The following RMDN2 variants were observed in gnomAD, a reference collection of about 807,000 sequenced individuals.
RMDN2 encodes the protein regulator of microtubule dynamics protein 2.
RMDN2 carries 61 observed loss-of-function variants against 52.8 expected under a neutral mutation model. The ratio of observed to expected loss-of-function variants is 1.16; its 90% CI spans 0.94 to 1.43. The LOEUF (loss-of-function observed/expected upper bound fraction) is 1.43, where lower values mean the gene tolerates loss of function less well. RMDN2 is among the 40% of genes most tolerant of loss of function. RMDN2 has a pLI of 0.00. For synonymous variants in RMDN2, 180 were observed against 153.1 expected (o/e 1.18, Z -1.30); for missense variants, 592 against 475.3 (o/e 1.25, Z -2.28).
At chr2:38,007,866 C>G (rs1677344999) in intron 10 of RMDN2, among the ~76,000 whole-genome samples, 1 of 152,158 alleles carries the variant, frequency 6.6e-6, no homozygotes, top group Non-Finnish European at 1.5e-5. Flanking sequence ...TCCCTCTACA[C>G]ACTGCTTCGA....
At chr2:38,063,797 A>T (rs971454662) in intron 10 of RMDN2, among the ~76,000 whole-genome samples, 2 of 152,260 alleles carry the variant, frequency 1.3e-5, no homozygotes, top group African/African-American at 2.4e-5. Flanking sequence ...CAAGCAATGT[A>T]TGAAAGTTCC....
At chr2:38,033,299 A>C (rs1680344842) in intron 10 of RMDN2, 1 of 152,198 alleles carries the variant, frequency 6.6e-6, no homozygotes, top group South Asian at 2.1e-4. Flanking sequence ...ACTAGCTAAA[A>C]GTAGCTGTCC....
intron 10 of RMDN2, among the ~76,000 whole-genome samples, chr2:38,011,471 A>G (rs1677985981): frequency 6.6e-6 from 1 of 152,182 alleles, no homozygotes; most frequent in African/African-American, 2.4e-5. Flanking sequence ...CAGAAAATAA[A>G]TGCCTCAGTA....
chr2:38,030,904 C>T (rs1464216959), intron 10 of RMDN2: 5 of 151,828 alleles, frequency 3.3e-5, no homozygotes, highest in African/African-American at 1.2e-4. Flanking sequence ...TTAGGGAATT[C>T]TTGATTGTTT....
intron 2 of RMDN2, among the ~76,000 whole-genome samples, chr2:37,967,386 A>G (rs185741556): frequency 2.0e-5 from 3 of 152,370 alleles, no homozygotes; most frequent in East Asian, 1.9e-4. Context: ...TTAAGGAATC[A>G]TAACAGGAGA....
At position 37,941,517 on chromosome 2, in the gene RMDN2, C is replaced by G. The variant is rs955317434; in HGVS notation, c.452+11788C>G. Among the ~76,000 whole-genome samples, 6 of 152,240 alleles carry G rather than the reference C, an allele frequency of 3.9e-5. 1 individual carries two copies. Among genetic ancestry groups the G allele is most frequent in the African/African-American group, 1.4e-4 (6 of 41,462 alleles). ...ACAGCCGCGCCTTCCCCCAGTTGCT[C>G]TGTCCCAGGGAAACTGGAGTTTTAT... is the stretch of plus-strand genomic sequence containing the variant. On this transcript the variant is annotated intron_variant, in intron 2 of 10. Transcript: ENST00000354545.
downstream of RMDN2, among the ~76,000 whole-genome samples, chr2:38,018,378 G>A (rs1008370427): frequency 4.6e-5 from 7 of 152,202 alleles, no homozygotes; most frequent in East Asian, 5.8e-4. Flanking sequence ...AAAATTTATC[G>A]AGAGCCTTTG....
chr2:38,012,722 C>T (rs971472237), intron 10 of RMDN2: 4 of 371,748 alleles, frequency 1.1e-5, no homozygotes, highest in African/African-American at 4.3e-5. Flanking sequence ...AATACCCCTC[C>T]ATCTCTATAA....
At chr2:38,009,508 C>G (rs918939766) in intron 10 of RMDN2, among the ~76,000 whole-genome samples, 1 of 152,216 alleles carries the variant, frequency 6.6e-6, no homozygotes. Context: ...AAATTGGCTA[C>G]TGAGGCTTGT....
At chr2:37,939,902 G>A (rs1667633769) in intron 2 of RMDN2, among the ~76,000 whole-genome samples, 1 of 152,168 alleles carries the variant, frequency 6.6e-6, no homozygotes, top group Non-Finnish European at 1.5e-5. Context: ...ATATTGTTAT[G>A]TGTGAATTTG....
chr2:37,931,877 A>G (rs559294081), intron 2 of RMDN2, among the ~76,000 whole-genome samples: 1 of 152,280 alleles, frequency 6.6e-6, no homozygotes, highest in Non-Finnish European at 1.5e-5. Flanking sequence ...TTTGTTAGCA[A>G]TAAAATACTA....
intron 2 of RMDN2, among the ~76,000 whole-genome samples, chr2:37,963,421 A>G (rs925856377): frequency 4.0e-5 from 6 of 151,542 alleles, no homozygotes; most frequent in African/African-American, 1.5e-4. Context: ...CAGATAAACA[A>G]GTGAACAAAG....
chr2:37,947,276 A>C (rs1668299324), intron 2 of RMDN2, among the ~76,000 whole-genome samples: 1 of 152,050 alleles, frequency 6.6e-6, no homozygotes, highest in Non-Finnish European at 1.5e-5. Flanking sequence ...GTTCCTACTT[A>C]TGAATGAGAA....
intron 10 of RMDN2, among the ~76,000 whole-genome samples, chr2:38,065,585 G>A (rs1046638744): frequency 6.6e-6 from 1 of 152,064 alleles, no homozygotes; most frequent in Non-Finnish European, 1.5e-5. Flanking sequence ...AGCTTGTTTC[G>A]TGCCTTGGTT....
At chr2:37,952,710 A>G (rs1429097975) in intron 2 of RMDN2, 3 of 156,166 alleles carry the variant, frequency 1.9e-5, no homozygotes, top group African/African-American at 7.2e-5. Context: ...CTGACAGATA[A>G]TGTTTTTATT....
chr2:37,951,511 TTGATTC>T, intron 2 of RMDN2: 2 of 1,612,186 alleles, frequency 1.2e-6, no homozygotes, highest in Non-Finnish European at 1.7e-6. Flanking sequence ...AGAGCTAACT[TTGATTC>T]TGAAGAAGAC....
rs757215829 is a variant in RMDN2, at chr2:37,974,055, T to C, written c.468T>C (p.Asn156=). The C allele has an allele frequency of 1.2e-6, 2 of 1,610,268 alleles. No individual in the cohort carries two copies. The highest frequency in any genetic ancestry group is 8.5e-7 in the Non-Finnish European group (1 of 1,178,362). The change falls in exon 3 of 11, where the codon AAT becomes AAC. Residue 156 remains asparagine, a synonymous_variant. Coordinates refer to ENST00000354545, the MANE Select transcript of RMDN2 (RefSeq NM_001170791.3). The part of the protein sequence containing the change: ...AESEGGYITA[N]TDTEEQSFPV... ...GCGATTTTAGGTATATTACAGCTAA[T>C]ACTGACACAGAAGAACAGAGTTTTC...
At chr2:38,046,577 T>C (rs762118827) in intron 10 of RMDN2, among the ~76,000 whole-genome samples, 6 of 152,106 alleles carry the variant, frequency 3.9e-5, no homozygotes, top group Non-Finnish European at 8.8e-5. Flanking sequence ...AAGCACATCA[T>C]AGTCAAATTG....
At chr2:38,039,887 G>A (rs1398800700) in intron 10 of RMDN2, among the ~76,000 whole-genome samples, 1 of 152,140 alleles carries the variant, frequency 6.6e-6, no homozygotes, top group East Asian at 1.9e-4. Context: ...TGCACACTGT[G>A]TGCCCTACCT....
Sources: gnomAD v4.1 joint callset for allele counts (sites outside exome capture counted in the v4.1 genomes callset) on GRCh38, gnomAD v4.1.1 for gene constraint, MANE v1.5 for transcripts, NCBI Gene and HGNC (gene_info 2026-07-23, HGNC 2026-07-21) for gene names.